The following PRKN variants were observed in gnomAD, a reference collection of about 807,000 sequenced individuals.
PRKN encodes parkin RBR E3 ubiquitin protein ligase, also known as E3 ubiquitin-protein ligase parkin.
In PRKN, 56 loss-of-function variants were observed where a neutral mutation model predicts 59.5. The ratio of observed to expected loss-of-function variants is 0.94; its 90% confidence interval spans 0.76 to 1.18. The LOEUF (loss-of-function observed/expected upper bound fraction) is 1.18. Among genes scored for constraint, PRKN ranks in the 50% most tolerant of loss-of-function variants. PRKN has a pLI of 0.00. For missense variants in PRKN, 657 were observed against 596.4 expected (o/e 1.10, Z -1.06); for synonymous variants, 250 against 222.1 (o/e 1.13, Z -1.12).
chr6:161,396,890 TCTTACAGA>T lies in PRKN; in HGVS notation c.1084-10021_1084-10014del, dbSNP rs1413311162. Among the ~76,000 whole-genome samples the T allele has an allele frequency of 2.0e-5, 3 of 152,308 alleles. No individual in the cohort carries two copies. Among genetic ancestry groups the T allele is most frequent in the South Asian group, 2.1e-4 (1 of 4,832 alleles). ...TGTTTGGGGACACCCTGCCAGCACATCTTACAGACTTTTGTCTTTGGAGGTTTTGCAGC... is the reference window on the plus strand; with the variant it reads ...TGTTTGGGGACACCCTGCCAGCACATCTTTTGTCTTTGGAGGTTTTGCAGC... On this transcript the variant is annotated intron_variant, in intron 9 of 11. Transcript: ENST00000366898. This position sits in a 1 kb window ranked among gnomAD's most constrained non-coding sequence, Gnocchi z 5.4.
intron 6 of PRKN, among the ~76,000 whole-genome samples, chr6:161,822,336 T>C (rs74732312): frequency 0.088 from 13,410 of 152,252 alleles, 769 homozygotes; most frequent in Middle Eastern, 0.17. Context: ...TGTTGGAATG[T>C]AGACGCAACA....
intron 4 of PRKN, among the ~76,000 whole-genome samples, chr6:162,061,330 G>A (rs549445504): frequency 2.0e-5 from 3 of 152,262 alleles, no homozygotes; most frequent in African/African-American, 7.2e-5. Flanking sequence ...TTAAAAAAAT[G>A]GCAACTGTTA....
At chr6:162,040,749 C>T (rs901721968) in intron 5 of PRKN, among the ~76,000 whole-genome samples, 1 of 151,668 alleles carries the variant, frequency 6.6e-6, no homozygotes, top group Non-Finnish European at 1.5e-5. Context: ...ATTTATGAAC[C>T]TGCAGACATA....
intron 4 of PRKN, among the ~76,000 whole-genome samples, chr6:162,103,751 G>A (rs912711718): frequency 6.6e-6 from 1 of 152,186 alleles, no homozygotes; most frequent in African/African-American, 2.4e-5. Flanking sequence ...GATTCACAAT[G>A]AAGGGACCTA....
At chr6:161,350,632 AT>A (rs1183365309) in intron 11 of PRKN, among the ~76,000 whole-genome samples, 1 of 116,626 alleles carries the variant, frequency 8.6e-6, no homozygotes, top group Non-Finnish European at 1.6e-5. Flanking sequence ...ATTTTTATAT[AT>A]TTATATTTAA....
rs1361760724 is a variant in PRKN at position 162,332,686 on chromosome 6, C to T, written c.172-69921G>A. On this transcript the variant is annotated intron_variant, in intron 2 of 11. Transcript: ENST00000366898. Reference sequence around the variant, plus strand: ...CCAGAAATTTATCATAATAAATAACCAATAGCAAATCTTGGAATCGCACTG... The same window carrying T: ...CCAGAAATTTATCATAATAAATAACTAATAGCAAATCTTGGAATCGCACTG... 2.6e-5 allele frequency among the ~76,000 whole-genome samples: 4 copies of T among 152,186 alleles called. 1 individual carries two copies. Among genetic ancestry groups the T allele is most frequent in the Admixed American group, 1.3e-4 (2 of 15,280 alleles).
At chr6:162,518,077 C>G (rs757906601) in intron 1 of PRKN, among the ~76,000 whole-genome samples, 1 of 152,098 alleles carries the variant, frequency 6.6e-6, no homozygotes, top group Non-Finnish European at 1.5e-5. Context: ...AGGTCAAGAG[C>G]TTACAATGCA....
chr6:162,065,820 G>A (rs1009181962), intron 4 of PRKN, among the ~76,000 whole-genome samples: 2 of 152,122 alleles, frequency 1.3e-5, no homozygotes, highest in African/African-American at 2.4e-5. Context: ...AACACGCGGT[G>A]TTTGATTTTC....
chr6:161,750,714 C>A (rs1371281491), intron 7 of PRKN, among the ~76,000 whole-genome samples: 1 of 151,172 alleles, frequency 6.6e-6, no homozygotes, highest in Non-Finnish European at 1.5e-5. Flanking sequence ...TTGCAGTGAG[C>A]CGAGATCACA....
intron 7 of PRKN, among the ~76,000 whole-genome samples, chr6:161,639,886 T>C (rs1456240119): frequency 6.6e-6 from 1 of 152,222 alleles, no homozygotes; most frequent in Admixed American, 6.5e-5. Context: ...AATTCTGCTC[T>C]GTGGGGGACT....
intron 5 of PRKN, among the ~76,000 whole-genome samples, chr6:162,004,298 C>T (rs1429882271): frequency 1.3e-5 from 2 of 152,286 alleles, no homozygotes; most frequent in East Asian, 3.9e-4. Flanking sequence ...TGTGAGACAC[C>T]TCACTTTCCC....
At chr6:162,578,528 T>C (rs1438720895) in intron 1 of PRKN, among the ~76,000 whole-genome samples, 1 of 152,184 alleles carries the variant, frequency 6.6e-6, no homozygotes, top group Non-Finnish European at 1.5e-5. Context: ...AATGTCTGTT[T>C]TGAGGACAAT....
At chr6:162,391,277 G>A (rs949674373) in intron 2 of PRKN, among the ~76,000 whole-genome samples, 1 of 151,698 alleles carries the variant, frequency 6.6e-6, no homozygotes, top group African/African-American at 2.4e-5. Flanking sequence ...TCGAAAATCT[G>A]CAATGACTTC....
chr6:161,569,900 G>A (rs887159871), intron 7 of PRKN, among the ~76,000 whole-genome samples: 1 of 151,976 alleles, frequency 6.6e-6, no homozygotes, highest in African/African-American at 2.4e-5. Flanking sequence ...ATTCTTTGGG[G>A]GGCTCAGCTG....
chr6:161,673,835 A>G (rs4708918), intron 7 of PRKN, among the ~76,000 whole-genome samples: 56,621 of 151,954 alleles, frequency 0.37, 11,389 homozygotes, highest in South Asian at 0.51. Context: ...AGGAGTCAAG[A>G]TAACTTGGAG....
chr6:162,537,272 T>C (rs929636830), intron 1 of PRKN, among the ~76,000 whole-genome samples: 2 of 152,132 alleles, frequency 1.3e-5, no homozygotes, highest in African/African-American at 4.8e-5. Flanking sequence ...TCCAATCCCA[T>C]ATTTCCCAAA....
At chr6:161,921,985 A>G (rs1322155100) in intron 6 of PRKN, among the ~76,000 whole-genome samples, 1 of 152,210 alleles carries the variant, frequency 6.6e-6, no homozygotes, top group Non-Finnish European at 1.5e-5. Context: ...TGTCAGCCTC[A>G]ATTGGTTAAA....
intron 9 of PRKN, among the ~76,000 whole-genome samples, chr6:161,520,110 A>G (rs1277658117): frequency 1.3e-5 from 2 of 152,016 alleles, no homozygotes; most frequent in Non-Finnish European, 2.9e-5. Context: ...TGCACAGTTG[A>G]TGGAAGGCCA....
At chr6:161,610,494 C>T (rs897074541) in intron 7 of PRKN, among the ~76,000 whole-genome samples, 3 of 117,616 alleles carry the variant, frequency 2.6e-5, no homozygotes. Context: ...ATTAATAATA[C>T]ACACACACAC....
Sources: allele counts gnomAD v4.1 joint callset (sites outside exome capture counted in the v4.1 genomes callset), GRCh38; gene constraint gnomAD v4.1.1; non-coding constraint Gnocchi (gnomAD v3.1); transcripts MANE v1.5; gene names NCBI Gene and HGNC (gene_info 2026-07-23, HGNC 2026-07-21).